Variants in ATF7IP observed in about 807,000 individuals in gnomAD.
The protein encoded by ATF7IP is activating transcription factor 7-interacting protein 1.
In ATF7IP, 23 loss-of-function variants were observed where a neutral mutation model predicts 106.4. The ratio of observed to expected loss-of-function variants is 0.22; its 90% CI spans 0.16 to 0.31. ATF7IP has a LOEUF of 0.31. ATF7IP is among the 10% of genes least tolerant of loss of function. The probability of loss-of-function intolerance (pLI) is 1.00; values close to 1 mark genes in which losing one functional copy is unlikely to be tolerated. For synonymous variants in ATF7IP, 542 were observed against 539.0 expected, an observed-to-expected ratio of 1.01 and a Z score of -0.08; for missense variants, 1,334 against 1,524.3, an observed-to-expected ratio of 0.88 and a Z score of 2.08.
intron 5 of ATF7IP, among the ~76,000 whole-genome samples, chr12:14,438,890 A>G (rs1456550132): frequency 6.6e-6 from 1 of 151,430 alleles, no homozygotes; most frequent in Non-Finnish European, 1.5e-5. Flanking sequence ...AGTGCTTCAT[A>G]TTTTTTTTTC....
Position 14,443,462 on chromosome 12 carries a change from C to T in ATF7IP, c.1930-3526C>T, listed in dbSNP as rs540796797. Reference sequence around the variant, plus strand: ...ACTTGGTTCAGTATTAACAATTATACGTTACTCTGCTAATGTAGGAAAGGT... The same window carrying T: ...ACTTGGTTCAGTATTAACAATTATATGTTACTCTGCTAATGTAGGAAAGGT... On this transcript the variant is annotated intron_variant, in intron 5 of 14. Transcript: ENST00000261168. 2.2e-4 allele frequency among the ~76,000 whole-genome samples: 34 copies of T among 152,254 alleles called. No individual in the cohort carries two copies. In the East Asian group the frequency reaches 4.8e-3, roughly 22 times the overall value.
chr12:14,489,784 TACTC>T (rs1301510311), intron 13 of ATF7IP, among the ~76,000 whole-genome samples: 3 of 152,194 alleles, frequency 2.0e-5, no homozygotes, highest in African/African-American at 7.2e-5. Context: ...CTGCTGCACT[TACTC>T]AGCCGTACAG....
chr12:14,372,166 A>G (rs1031453290), intron 1 of ATF7IP, among the ~76,000 whole-genome samples: 4 of 152,084 alleles, frequency 2.6e-5, no homozygotes, highest in East Asian at 1.9e-4. Flanking sequence ...TTACTTTGCC[A>G]TGTTCTTTCT....
At chr12:14,496,197 C>T in intron 13 of ATF7IP, 34 bp from the exon 14 acceptor site, 1 of 1,303,254 alleles carries the variant, frequency 7.7e-7, no homozygotes, top group Non-Finnish European at 1.1e-6. Context: ...ATAGAATTAT[C>T]ATTTTATCCT....
At chr12:14,401,934 T>A (rs548640132) in intron 1 of ATF7IP, among the ~76,000 whole-genome samples, 1 of 151,384 alleles carries the variant, frequency 6.6e-6, no homozygotes, top group South Asian at 2.1e-4. Context: ...GGCTGGTCTC[T>A]AACTCCTGAC....
intron 1 of ATF7IP, among the ~76,000 whole-genome samples, chr12:14,399,438 C>T (rs909781164): frequency 1.3e-5 from 2 of 151,742 alleles, no homozygotes; most frequent in South Asian, 2.1e-4. Flanking sequence ...ATTAATATTT[C>T]CCTATAATGA....
At chr12:14,392,927 T>C (rs748818996) in intron 1 of ATF7IP, among the ~76,000 whole-genome samples, 1 of 152,224 alleles carries the variant, frequency 6.6e-6, no homozygotes, top group Non-Finnish European at 1.5e-5. Flanking sequence ...TATTTTACAA[T>C]AGCATTGATC....
chr12:14,491,223 T>A (rs1944810251), intron 13 of ATF7IP, among the ~76,000 whole-genome samples: 2 of 152,168 alleles, frequency 1.3e-5, no homozygotes, highest in Non-Finnish European at 2.9e-5. Flanking sequence ...CTGGCAGCCT[T>A]TCAGGTCACT....
intron 13 of ATF7IP, among the ~76,000 whole-genome samples, chr12:14,489,818 CA>C (rs995371290): frequency 6.6e-6 from 1 of 152,106 alleles, no homozygotes; most frequent in Non-Finnish European, 1.5e-5. Context: ...TGGTTAGAGT[CA>C]ATGTTGTGTG....
chr12:14,401,579 T>C (rs1940198792), intron 1 of ATF7IP, among the ~76,000 whole-genome samples: 1 of 140,802 alleles, frequency 7.1e-6, no homozygotes. Context: ...TATTCTGTTG[T>C]ACTCTTTTTT....
intron 2 of ATF7IP, among the ~76,000 whole-genome samples, chr12:14,427,796 A>T (rs1415296391): frequency 6.6e-6 from 1 of 152,150 alleles, no homozygotes; most frequent in African/African-American, 2.4e-5. Flanking sequence ...ATCATAATAG[A>T]TCTAGAGTCC....
intron 1 of ATF7IP, among the ~76,000 whole-genome samples, chr12:14,383,971 T>A (rs1447721015): frequency 6.6e-6 from 1 of 152,194 alleles, no homozygotes; most frequent in Admixed American, 6.5e-5. Context: ...ATACTGAAGT[T>A]GTTACATACA....
chr12:14,451,967 A>C (rs78067487), intron 6 of ATF7IP, among the ~76,000 whole-genome samples: 2 of 152,034 alleles, frequency 1.3e-5, no homozygotes, highest in Admixed American at 1.3e-4. Context: ...GAAGTTTCCT[A>C]CTATCATTGT....
chr12:14,425,157 T>C lies in ATF7IP; in HGVS notation c.1242T>C (p.Val414=). 1 of 1,593,274 alleles carries C rather than the reference T, an allele frequency of 6.3e-7. No individual in the cohort carries two copies. Among genetic ancestry groups the C allele is most frequent in the Non-Finnish European group, 8.5e-7 (1 of 1,173,980 alleles). The change falls in exon 2 of 15, where the codon GTT becomes GTC. Residue 414 remains valine (V), a synonymous_variant. Coordinates refer to ENST00000261168, the MANE Select transcript of ATF7IP (RefSeq NM_018179.5). ...ADLVETINEN[V]IEDNKSENIL... is the part of the protein sequence containing the mutation. ...TTGTAGAAACGATTAATGAAAATGT[T>C]ATTGAAGATAACAAAAGTGAGAATA...
intron 1 of ATF7IP, among the ~76,000 whole-genome samples, chr12:14,410,102 A>C (rs1455159439): frequency 6.6e-6 from 1 of 152,118 alleles, no homozygotes; most frequent in Non-Finnish European, 1.5e-5. Flanking sequence ...CTCCAACCCT[A>C]GGCAATTGGT....
Position 14,493,064 on chromosome 12 carries a change from T to A in ATF7IP, c.3281-3167T>A, listed in dbSNP as rs374770733. 1.2e-3 allele frequency among the ~76,000 whole-genome samples: 179 copies of A among 147,088 alleles called. 2 individuals are homozygous for A. Among genetic ancestry groups the A allele is most frequent in the African/African-American group, 4.0e-3 (148 of 37,212 alleles). On this transcript the variant is annotated intron_variant, in intron 13 of 14. Transcript: ENST00000261168. ...AAGGGAGATAAATCATTTCCAGCTC[T>A]CTCACAGTGTGCCATCTTTTAATCC...
chr12:14,473,687 T>C (rs889528612), intron 10 of ATF7IP, among the ~76,000 whole-genome samples: 5 of 152,096 alleles, frequency 3.3e-5, no homozygotes, highest in Non-Finnish European at 7.4e-5. Context: ...AGCTCATCTT[T>C]ACAGTGTAGA....
chr12:14,444,717 G>T (rs1043019093), intron 5 of ATF7IP, among the ~76,000 whole-genome samples: 1 of 151,960 alleles, frequency 6.6e-6, no homozygotes, highest in Admixed American at 6.6e-5. Flanking sequence ...TTTTGAGTTT[G>T]TTTTTCTGCT....
chr12:14,468,842 T>C (rs947411269), intron 10 of ATF7IP, among the ~76,000 whole-genome samples: 1 of 152,214 alleles, frequency 6.6e-6, no homozygotes, highest in African/African-American at 2.4e-5. Flanking sequence ...GAAACAAATA[T>C]CATTTTTGTT....
Sources: allele counts gnomAD v4.1 joint callset (sites outside exome capture counted in the v4.1 genomes callset), GRCh38; gene constraint gnomAD v4.1.1; transcripts MANE v1.5; gene names NCBI Gene and HGNC (gene_info 2026-07-23, HGNC 2026-07-21).